Variants in DRC1 observed in about 807,000 individuals in gnomAD.
The protein encoded by DRC1 is dynein regulatory complex subunit 1.
In DRC1, 74 loss-of-function variants were observed where a neutral mutation model predicts 98.7. The ratio of observed to expected loss-of-function variants is 0.75; its 90% CI spans 0.62 to 0.91. The LOEUF (loss-of-function observed/expected upper bound fraction) is 0.91. Ranked by LOEUF, DRC1 falls within the 40% of genes least tolerant of loss-of-function variation. DRC1 has a pLI of 0.00. For missense variants in DRC1, 875 were observed against 886.0 expected, an observed-to-expected ratio of 0.99 and a Z score of 0.16; for synonymous variants, 336 against 334.1, an observed-to-expected ratio of 1.01 and a Z score of -0.06.
intron 5 of DRC1, among the ~76,000 whole-genome samples, chr2:26,430,090 A>G (rs368857406): frequency 6.6e-6 from 1 of 152,202 alleles, no homozygotes; most frequent in East Asian, 1.9e-4. Flanking sequence ...GGTGGTAATA[A>G]GTGTTTTGAA....
rs1265820688 is a variant in DRC1, at chr2:26,448,624, CAG to C, written c.1397-64_1397-63del. ...CAAGGAAAGCCATCTGACTGTTTCT[CAG>C]AGTCAACTAGCTCCAGAAATTATCT... On this transcript the variant is annotated intron_variant, in intron 10 of 16. Coordinates refer to ENST00000288710, the MANE Select transcript of DRC1 (RefSeq NM_145038.5). 3 of 1,519,498 alleles carry C rather than the reference CAG, an allele frequency of 2.0e-6. No homozygotes were observed. The Admixed American group carries it at 5.1e-5, about 26-fold the overall frequency. The allele number at this position is 1,519,498 out of a possible 1,614,324, so 94.1% of individuals were successfully genotyped here.
chr2:26,439,630 T>C (rs1416066145), intron 7 of DRC1, among the ~76,000 whole-genome samples: 1 of 152,058 alleles, frequency 6.6e-6, no homozygotes, highest in Non-Finnish European at 1.5e-5. Flanking sequence ...CAAGTTTTTG[T>C]GGCCATATTT....
intron 13 of DRC1, among the ~76,000 whole-genome samples, chr2:26,451,234 C>T (rs1572386092): frequency 1.3e-5 from 2 of 152,236 alleles, no homozygotes; most frequent in South Asian, 4.2e-4. Flanking sequence ...CCCAAGCAAT[C>T]TTTTCCTGCA....
At chr2:26,408,164 C>T (rs932556969) in intron 1 of DRC1, among the ~76,000 whole-genome samples, 6 of 152,036 alleles carry the variant, frequency 3.9e-5, no homozygotes, top group Admixed American at 3.3e-4. Context: ...CAAAGGGAAC[C>T]AAAATAAGGA....
intron 8 of DRC1, among the ~76,000 whole-genome samples, chr2:26,443,928 AATG>A (rs1663784393): frequency 6.6e-6 from 1 of 152,160 alleles, no homozygotes; most frequent in Admixed American, 6.5e-5. Flanking sequence ...CATTCTGACA[AATG>A]ATGTATTGTG....
At chr2:26,413,730 G>A (rs921068566) in intron 1 of DRC1, among the ~76,000 whole-genome samples, 1 of 152,014 alleles carries the variant, frequency 6.6e-6, no homozygotes, top group South Asian at 2.1e-4. Context: ...GTAAAATTTT[G>A]TCAAATATCT....
chr2:26,451,476 G>T lies in DRC1; in HGVS notation c.1689+795G>T, dbSNP rs142772051. Among the ~76,000 whole-genome samples the T allele has an allele frequency of 5.9e-5, 9 of 152,274 alleles. No individual in the cohort carries two copies. In the East Asian group the frequency reaches 1.7e-3, roughly 29 times the overall value. On this transcript the variant is annotated intron_variant, in intron 13 of 16. Transcript: ENST00000288710. Reference sequence around the variant, plus strand: ...AAAATGTGAATGAAAAATGTTTTTAGTACTGCTAGCCCAAAGCTGAGTATC... The same window carrying T: ...AAAATGTGAATGAAAAATGTTTTTATTACTGCTAGCCCAAAGCTGAGTATC...
At chr2:26,450,339 A>C (rs1370390500) in intron 12 of DRC1, among the ~76,000 whole-genome samples, 1 of 152,012 alleles carries the variant, frequency 6.6e-6, no homozygotes, top group African/African-American at 2.4e-5. Context: ...ACACCCCCAA[A>C]CTCAAATCTG....
In DRC1 at chr2:26,455,217, A is replaced by G. The variant is rs1261068164; in HGVS notation, c.2150A>G (p.Gln717Arg). The change falls in exon 16 of 17, where the codon CAG (glutamine) becomes CGG (arginine). Residue 717 changes from glutamine to arginine, a missense_variant. Gln to Arg is a conservative substitution (Grantham distance 43). Transcript: ENST00000288710. Reference sequence around the variant, plus strand: ...ACAGAGCTGCAGGCGCTACTGCAGCAGTATCTGAACTCCAAGGTGGGCGGC... The same window carrying G: ...ACAGAGCTGCAGGCGCTACTGCAGCGGTATCTGAACTCCAAGGTGGGCGGC... Reference protein sequence around the residue: ...QNTELQALLQQYLNSKINSEL... With the variant: ...QNTELQALLQRYLNSKINSEL... 1.9e-6 allele frequency: 3 copies of G among 1,613,718 alleles called. No individual in the cohort carries two copies. The highest frequency in any genetic ancestry group is 1.1e-5 in the South Asian group (1 of 91,072).
At position 26,444,699 on chromosome 2, in the gene DRC1, G is replaced by A; in HGVS notation, c.1164-17G>A. On this transcript the variant is annotated splice_polypyrimidine_tract_variant and intron_variant, in intron 9 of 16. Transcript: ENST00000288710. The stretch of plus-strand genomic sequence containing the variant: ...TCCTGGGGCCAGCTGGCCATGCTCT[G>A]TGACTCTCCTTCACAGGCATTTTGC... The A allele has an allele frequency of 6.2e-7, 1 of 1,612,602 alleles. No individual in the cohort carries two copies.
chr2:26,418,996 C>T (rs776645221), intron 2 of DRC1, among the ~76,000 whole-genome samples: 1 of 150,518 alleles, frequency 6.6e-6, no homozygotes, highest in African/African-American at 2.4e-5. Context: ...TCACGCGATT[C>T]CCCTGCCTCA....
intron 1 of DRC1, among the ~76,000 whole-genome samples, chr2:26,405,653 C>CTT (rs10601492): frequency 0.012 from 666 of 53,504 alleles, 22 homozygotes; most frequent in African/African-American, 0.038. Context: ...AAGGCTATAT[C>CTT]TTTTTTTTTT....
intron 1 of DRC1, among the ~76,000 whole-genome samples, chr2:26,405,120 G>A: frequency 6.6e-6 from 1 of 152,168 alleles, no homozygotes; most frequent in Middle Eastern, 3.2e-3. Context: ...ACTGGCTTAG[G>A]TTCAGGAATT....
At chr2:26,429,173 C>T (rs1572367458) in intron 4 of DRC1, among the ~76,000 whole-genome samples, 1 of 149,564 alleles carries the variant, frequency 6.7e-6, no homozygotes, top group Non-Finnish European at 1.5e-5. Context: ...ACCACTTTCT[C>T]TTTGTACAGA....
In DRC1 at chr2:26,454,766, T is replaced by G; in HGVS notation, c.2039T>G (p.Leu680Arg). The G allele has an allele frequency of 6.2e-7, 1 of 1,614,122 alleles. No homozygotes were observed. The highest frequency in any genetic ancestry group is 1.1e-5 in the South Asian group (1 of 91,078). Reference sequence around the variant, plus strand: ...TCCAAGCAGAACCTCTGGGATGCCCTCTACACAGCCTTGGAGAAGTACCAG... The same window carrying G: ...TCCAAGCAGAACCTCTGGGATGCCCGCTACACAGCCTTGGAGAAGTACCAG... The part of the protein sequence containing the change: ...PSSKQNLWDA[L>R]YTALEKYHLV... The change falls in exon 15 of 17, where the codon CTC becomes CGC. Residue 680 changes from leucine to arginine, a missense_variant. By Grantham distance (102) the Leu-to-Arg change is moderately radical (BLOSUM62 -2). Coordinates refer to ENST00000288710, the MANE Select transcript of DRC1 (RefSeq NM_145038.5). This position sits in a 1 kb window ranked among gnomAD's most constrained non-coding sequence, Gnocchi z 5.2.
chr2:26,413,025 A>T (rs1042858609), intron 1 of DRC1, among the ~76,000 whole-genome samples: 1 of 151,912 alleles, frequency 6.6e-6, no homozygotes, highest in Non-Finnish European at 1.5e-5. Context: ...CTCGCGATCC[A>T]CCCGCCTCGG....
Position 26,440,706 on chromosome 2 carries a change from C to T in DRC1, c.1028+189C>T, listed in dbSNP as rs567757281. On this transcript the variant is annotated intron_variant, in intron 8 of 16. Coordinates refer to ENST00000288710, the MANE Select transcript of DRC1 (RefSeq NM_145038.5). Reference sequence around the variant, plus strand: ...AAAGAGTACATAGCAAAAGATCTTCCGTCCCCATTCATCTTGTTCCTCTTT... The same window carrying T: ...AAAGAGTACATAGCAAAAGATCTTCTGTCCCCATTCATCTTGTTCCTCTTT... 3.8e-4 allele frequency among the ~76,000 whole-genome samples: 58 copies of T among 152,246 alleles called. No homozygotes were observed. In the East Asian group the frequency reaches 9.4e-3, roughly 25 times the overall value.
chr2:26,427,367 C>T (rs1056728793), intron 4 of DRC1, among the ~76,000 whole-genome samples: 1 of 152,114 alleles, frequency 6.6e-6, no homozygotes, highest in African/African-American at 2.4e-5. Context: ...CCACCCACCT[C>T]CACCTTCCAA....
chr2:26,430,389 T>A (rs1663400693), intron 5 of DRC1: 5 of 407,342 alleles, frequency 1.2e-5, no homozygotes, highest in Non-Finnish European at 2.5e-5. Context: ...ACCTACCCCT[T>A]GTGAGTTTCA....
Sources: allele counts gnomAD v4.1 joint callset (sites outside exome capture counted in the v4.1 genomes callset), GRCh38; gene constraint gnomAD v4.1.1; non-coding constraint Gnocchi (gnomAD v3.1); transcripts MANE v1.5; gene names NCBI Gene and HGNC (gene_info 2026-07-23, HGNC 2026-07-21).